Variants in OR9Q1 observed in about 807,000 individuals in gnomAD.
OR9Q1 encodes olfactory receptor family 9 subfamily Q member 1.
For synonymous variants in OR9Q1, 153 were observed against 148.6 expected (o/e 1.03, Z -0.22); for missense variants, 374 against 378.8 (o/e 0.99, Z 0.11).
At chr11:58,096,880 T>C (rs1044830527) in intron 2 of OR9Q1, among the ~76,000 whole-genome samples, 1 of 152,138 alleles carries the variant, frequency 6.6e-6, no homozygotes, top group African/African-American at 2.4e-5. Context: ...ATTTTTGTAT[T>C]TGTACTAGAG....
At chr11:58,171,369 A>C (rs554455463) in intron 2 of OR9Q1, 1 of 152,388 alleles carries the variant, frequency 6.6e-6, no homozygotes, top group East Asian at 1.9e-4. Context: ...TTCCTCCAGC[A>C]GCTGCTGATT....
chr11:58,103,933 G>A (rs997609732), intron 2 of OR9Q1, among the ~76,000 whole-genome samples: 15 of 152,172 alleles, frequency 9.9e-5, no homozygotes, highest in African/African-American at 3.6e-4. Context: ...GTGTGGCTTT[G>A]CTGGGGGTGG....
In OR9Q1 at chr11:58,180,392, G is replaced by A. The variant is rs754534874; in HGVS notation, c.*15G>A. The A allele has an allele frequency of 6.6e-7, 1 of 1,522,848 alleles. No individual in the cohort carries two copies. Among genetic ancestry groups the A allele is most frequent in the South Asian group, 1.3e-5 (1 of 78,390 alleles). The allele number at this position is 1,522,848 out of a possible 1,614,324, so 94.3% of individuals were successfully genotyped here. On this transcript the variant is annotated 3_prime_UTR_variant, in exon 3 of 3. Coordinates refer to ENST00000335397, the MANE Select transcript of OR9Q1 (RefSeq NM_001005212.4). Reference sequence around the variant, plus strand: ...AGTTGTCCTAACCATCTCCAAACTTGGAAAATCCCGAGAACCACCTACTCT... The same window carrying A: ...AGTTGTCCTAACCATCTCCAAACTTAGAAAATCCCGAGAACCACCTACTCT...
At position 58,180,377 on chromosome 11, in the gene OR9Q1, A is replaced by T. The variant is rs750224545; in HGVS notation, c.933A>T (p.Ter311TyrextTer25). The T allele has an allele frequency of 1.9e-6, 3 of 1,556,090 alleles. No individual in the cohort carries two copies. Among genetic ancestry groups the T allele is most frequent in the African/African-American group, 1.4e-5 (1 of 73,388 alleles). ...RKILNRAKLS[*>Y] ...TTCTCAATAGAGCCAAGTTGTCCTA[A>T]CCATCTCCAAACTTGGAAAATCCCG... The change falls in exon 3 of 3, where the codon TAA becomes TAT. Residue 311 changes from the stop codon to tyrosine, a stop_lost. Coordinates refer to ENST00000335397, the MANE Select transcript of OR9Q1 (RefSeq NM_001005212.4).
At chr11:58,135,747 A>G (rs975807897) in intron 2 of OR9Q1, among the ~76,000 whole-genome samples, 1 of 152,224 alleles carries the variant, frequency 6.6e-6, no homozygotes, top group Non-Finnish European at 1.5e-5. Context: ...ATTTTTAAAT[A>G]ACTTTAAACC....
intron 2 of OR9Q1, among the ~76,000 whole-genome samples, chr11:58,059,553 G>A (rs535106496): frequency 5.9e-5 from 9 of 151,726 alleles, no homozygotes; most frequent in Admixed American, 3.3e-4. Flanking sequence ...AAAATTAGCC[G>A]GGTGTGGTGG....
chr11:58,088,494 A>T lies in OR9Q1; in HGVS notation c.-15+32547A>T, dbSNP rs548546436. Among the ~76,000 whole-genome samples the T allele has an allele frequency of 2.0e-5, 3 of 151,960 alleles. No homozygotes were observed. The East Asian group carries it at 5.8e-4, about 29-fold the overall frequency. On this transcript the variant is annotated intron_variant, in intron 2 of 2. Transcript: ENST00000335397. ...CCTCACCAGCATCTGTTGTTTCCTG[A>T]CTTTTTAATAATTGCCATTCTAACT...
At chr11:58,154,174 GAGGA>G (rs1854382772) in intron 2 of OR9Q1, among the ~76,000 whole-genome samples, 2 of 59,562 alleles carry the variant, frequency 3.4e-5, no homozygotes, top group Admixed American at 4.1e-4. Context: ...GGAGGAGAAG[GAGGA>G]GGGGAAGGAG....
intron 2 of OR9Q1, among the ~76,000 whole-genome samples, chr11:58,139,686 T>A (rs1421828306): frequency 2.0e-5 from 3 of 152,102 alleles, no homozygotes; most frequent in African/African-American, 7.2e-5. Context: ...TCTATCATTG[T>A]TGGACATTTG....
At chr11:58,154,162 GA>G (rs1854382442) in intron 2 of OR9Q1, among the ~76,000 whole-genome samples, 1 of 59,150 alleles carries the variant, frequency 1.7e-5, no homozygotes, top group African/African-American at 5.2e-5. Context: ...AGAGGAGAAG[GA>G]GGAGGAGAAG....
chr11:58,064,779 C>T (rs945416220), intron 2 of OR9Q1, among the ~76,000 whole-genome samples: 2 of 151,956 alleles, frequency 1.3e-5, no homozygotes, highest in Admixed American at 1.3e-4. Flanking sequence ...TGGCCAGTAG[C>T]ATTCTAAAGA....
At chr11:58,050,605 A>G (rs1441178406) in intron 1 of OR9Q1, among the ~76,000 whole-genome samples, 1 of 120,810 alleles carries the variant, frequency 8.3e-6, no homozygotes, top group Non-Finnish European at 1.8e-5. Flanking sequence ...AATGGGATCT[A>G]ATTAAACTAA....
chr11:58,179,559 G>A lies in OR9Q1; in HGVS notation c.115G>A (p.Val39Ile), dbSNP rs143633053. 7.8e-5 allele frequency: 126 copies of A among 1,613,180 alleles called. No individual in the cohort carries two copies. The highest frequency in any genetic ancestry group is 4.7e-4 in the East Asian group (21 of 44,872). The change falls in exon 3 of 3, where the codon GTA (valine) becomes ATA (isoleucine). Residue 39 changes from valine (V) to isoleucine (I), a missense_variant. Coordinates refer to ENST00000335397, the MANE Select transcript of OR9Q1 (RefSeq NM_001005212.4). ...LLFLFMYLIT[V>I]LGNLEMIILI... is the part of the protein sequence containing the mutation. ...GTTTTTATTTATGTATCTCATCACC[G>A]TATTGGGGAACTTAGAGATGATTAT...
At chr11:58,158,922 C>A (rs558926888) in intron 2 of OR9Q1, among the ~76,000 whole-genome samples, 1 of 152,302 alleles carries the variant, frequency 6.6e-6, no homozygotes, top group East Asian at 1.9e-4. Context: ...AAGGAACACT[C>A]CCTAGGTTCC....
intron 1 of OR9Q1, among the ~76,000 whole-genome samples, chr11:58,040,225 G>A (rs1325203597): frequency 1.3e-5 from 2 of 152,262 alleles, no homozygotes; most frequent in African/African-American, 4.8e-5. Context: ...GAGTGGACTG[G>A]GTGACTTTAA....
At chr11:58,153,340 T>C (rs1409511927) in intron 2 of OR9Q1, among the ~76,000 whole-genome samples, 1 of 152,132 alleles carries the variant, frequency 6.6e-6, no homozygotes, top group African/African-American at 2.4e-5. Flanking sequence ...AAAGAGGGGA[T>C]GGGTTGTCTT....
intron 1 of OR9Q1, among the ~76,000 whole-genome samples, chr11:58,037,160 G>A (rs1853107960): frequency 1.3e-5 from 2 of 152,240 alleles, no homozygotes; most frequent in East Asian, 1.9e-4. Flanking sequence ...CCCTCTATAA[G>A]CAAAAAGATT....
chr11:58,048,675 A>T (rs1162623883), intron 1 of OR9Q1, among the ~76,000 whole-genome samples: 57 of 43,158 alleles, frequency 1.3e-3, no homozygotes, highest in Admixed American at 3.2e-3. Flanking sequence ...ATCTTAAAAA[A>T]AAAAATATAT....
intron 2 of OR9Q1, among the ~76,000 whole-genome samples, chr11:58,084,407 T>C (rs576329286): frequency 6.6e-6 from 1 of 151,898 alleles, no homozygotes; most frequent in East Asian, 1.9e-4. Context: ...TTCTAAAAAA[T>C]TGAGGAGGAG....
Sources: allele counts gnomAD v4.1 joint callset (sites outside exome capture counted in the v4.1 genomes callset), GRCh38; gene constraint gnomAD v4.1.1; transcripts MANE v1.5; gene names NCBI Gene and HGNC (gene_info 2026-07-23, HGNC 2026-07-21).